ISOC1: variants seen among roughly 807,000 people sequenced by gnomAD.
ISOC1 encodes the protein isochorismatase domain-containing protein 1.
In ISOC1, 33 loss-of-function variants were observed where a neutral mutation model predicts 30.0. The ratio of observed to expected loss-of-function variants is 1.10; its 90% confidence interval spans 0.83 to 1.47. The LOEUF (loss-of-function observed/expected upper bound fraction) is 1.47. ISOC1 is among the 40% of genes most tolerant of loss of function. ISOC1 has a pLI of 0.00. For missense variants in ISOC1, 372 were observed against 388.0 expected, an observed-to-expected ratio of 0.96 and a Z score of 0.35; for synonymous variants, 178 against 159.8, an observed-to-expected ratio of 1.11 and a Z score of -0.86.
intron 1 of ISOC1, among the ~76,000 whole-genome samples, chr5:129,095,636 T>G (rs572594031): frequency 6.6e-6 from 1 of 152,350 alleles, no homozygotes; most frequent in South Asian, 2.1e-4. Flanking sequence ...AACCATTTGC[T>G]TAGCCTCCTC....
chr5:129,099,470 A>C (rs186880869), intron 1 of ISOC1, among the ~76,000 whole-genome samples: 3 of 152,384 alleles, frequency 2.0e-5, no homozygotes, highest in African/African-American at 7.2e-5. Context: ...TGTAAAAATA[A>C]GAGCCAATAA....
intron 2 of ISOC1, 22 bp downstream of exon 2, chr5:129,105,097 G>A (rs376360215): frequency 1.2e-6 from 2 of 1,613,536 alleles, no homozygotes; most frequent in Non-Finnish European, 1.7e-6. Flanking sequence ...TACTTATTTG[G>A]TCATATTTGC....
In ISOC1 at chr5:129,105,387, A is replaced by G. The variant is rs1753624199; in HGVS notation, c.632A>G (p.Glu211Gly). 1.2e-6 allele frequency: 2 copies of G among 1,610,884 alleles called. No individual in the cohort carries two copies. The highest frequency in any genetic ancestry group is 1.3e-5 in the African/African-American group (1 of 74,946). The change falls in exon 3 of 5, where the codon GAA (glutamate) becomes GGA (glycine). Residue 211 changes from glutamate (E) to glycine (G), a missense_variant and splice_region_variant. Glu to Gly is a moderately conservative substitution (Grantham distance 98). Coordinates refer to ENST00000173527, the MANE Select transcript of ISOC1 (RefSeq NM_016048.2). ...AGGAGTGTTGTATTATTTGGAGTAG[A>G]AGTAAGTACCTGTTACTATCATTTA... ...GVRSVVLFGV[E>G]THVCIQQTAL...
Position 129,105,198 on chromosome 5 carries a change from G to A in ISOC1, c.443G>A (p.Arg148Gln), listed in dbSNP as rs941381810. The change falls in exon 3 of 5, where the codon CGG becomes CAG. Residue 148 changes from arginine (R) to glutamine (Q), a missense_variant. Arg to Gln is a conservative substitution (Grantham distance 43, BLOSUM62 1). Coordinates refer to ENST00000173527, the MANE Select transcript of ISOC1 (RefSeq NM_016048.2). ...SVGQRLLQGA[R>Q]ILGIPVIVTE... ...ATTTTTTTTCAGTTGCAAGGGGCCCGGATTTTAGGAATTCCTGTTATTGTA... is the reference window on the plus strand; with the variant it reads ...ATTTTTTTTCAGTTGCAAGGGGCCCAGATTTTAGGAATTCCTGTTATTGTA... 8.1e-6 allele frequency: 13 copies of A among 1,613,270 alleles called. No individual in the cohort carries two copies. Among genetic ancestry groups the A allele is most frequent in the East Asian group, 2.2e-5 (1 of 44,836 alleles).
At position 129,095,005 on chromosome 5, in the gene ISOC1, A is replaced by G; in HGVS notation, c.239A>G (p.Tyr80Cys). Residue 80 changes from tyrosine (Y) to cysteine (C), a missense_variant, in exon 1 of 5, where the codon TAC (tyrosine) becomes TGC (cysteine). Tyr to Cys is a radical substitution (Grantham distance 194). Transcript: ENST00000173527. ...CTGTTCGCCGAGGAGTGGGGCCAGT[A>G]CGTGGACTTGCCCAAGGGCTTCGCG... ...VQLFAEEWGQYVDLPKGFAVS... is the reference protein window; with the variant it reads ...VQLFAEEWGQCVDLPKGFAVS... 1 of 1,608,170 alleles carries G rather than the reference A, an allele frequency of 6.2e-7. No homozygotes were observed. Among genetic ancestry groups the G allele is most frequent in the Non-Finnish European group, 8.5e-7 (1 of 1,178,962 alleles).
chr5:129,095,709 C>G (rs1580784748), intron 1 of ISOC1, among the ~76,000 whole-genome samples: 1 of 152,178 alleles, frequency 6.6e-6, no homozygotes, highest in Admixed American at 6.5e-5. Context: ...TCATTTGACT[C>G]CATGATTGTA....
At position 129,112,411 on chromosome 5, in the gene ISOC1, A is replaced by G. The variant is rs145970604; in HGVS notation, c.751-444A>G. 2.3e-4 allele frequency among the ~76,000 whole-genome samples: 35 copies of G among 152,322 alleles called. No individual in the cohort carries two copies. In the East Asian group the frequency reaches 5.8e-3, roughly 25 times the overall value. On this transcript the variant is annotated intron_variant, in intron 4 of 4. Transcript: ENST00000173527. The stretch of plus-strand genomic sequence containing the variant: ...AAGTTTAATAAATTTAGAAGTCACA[A>G]GCAGCCCTCATTTGAGTCAATGAAT...
intron 3 of ISOC1, among the ~76,000 whole-genome samples, chr5:129,106,248 C>T (rs1258945253): frequency 6.6e-6 from 1 of 152,090 alleles, no homozygotes; most frequent in Non-Finnish European, 1.5e-5. Flanking sequence ...TTTGATAATT[C>T]TCCAAAACGC....
chr5:129,112,420 C>A (rs1295751460), intron 4 of ISOC1, among the ~76,000 whole-genome samples: 1 of 152,152 alleles, frequency 6.6e-6, no homozygotes, highest in Non-Finnish European at 1.5e-5. Context: ...AAGCAGCCCT[C>A]ATTTGAGTCA....
At chr5:129,096,734 A>T (rs1198642956) in intron 1 of ISOC1, among the ~76,000 whole-genome samples, 2 of 152,208 alleles carry the variant, frequency 1.3e-5, no homozygotes, top group African/African-American at 4.8e-5. Flanking sequence ...CTAGAATCCA[A>T]ATACTAACTG....
intron 4 of ISOC1, among the ~76,000 whole-genome samples, chr5:129,108,720 C>T (rs916656436): frequency 5.3e-5 from 8 of 152,232 alleles, no homozygotes; most frequent in African/African-American, 1.9e-4. Context: ...CCATGTTGGC[C>T]AGGCTGGTCT....
At chr5:129,105,478 T>A in intron 3 of ISOC1, 90 bp downstream of exon 3, 1 of 1,071,478 alleles carries the variant, frequency 9.3e-7, no homozygotes. Flanking sequence ...GTATGCCAGG[T>A]AGGCAGTAAT....
chr5:129,098,978 C>T (rs935570052), intron 1 of ISOC1, among the ~76,000 whole-genome samples: 3 of 151,846 alleles, frequency 2.0e-5, no homozygotes, highest in East Asian at 1.9e-4. Flanking sequence ...GCCTCAGGAG[C>T]GTGGCAGGAA....
Position 129,095,093 on chromosome 5 carries a change from C to T in ISOC1, c.309+18C>T, listed in dbSNP as rs776541381. ...AGATCCAGGTGGGTCCTGCGGGAGG[C>T]CGCGCGCTTCCCTGTTCCCGAGTCG... On this transcript the variant is annotated intron_variant, in intron 1 of 4. Coordinates refer to ENST00000173527, the MANE Select transcript of ISOC1 (RefSeq NM_016048.2). 11 of 1,527,280 alleles carry T rather than the reference C, an allele frequency of 7.2e-6. No individual in the cohort carries two copies. The highest frequency in any genetic ancestry group is 1.9e-5 in the Admixed American group (1 of 53,978). The allele number at this position is 1,527,280 out of a possible 1,614,324, so 94.6% of individuals were successfully genotyped here.
intron 4 of ISOC1, 92 bp downstream of exon 4, chr5:129,107,154 T>A: frequency 1.9e-6 from 2 of 1,057,866 alleles, no homozygotes; most frequent in Non-Finnish European, 2.9e-6. Flanking sequence ...AAGGTTTACC[T>A]CCTAAATTTG....
chr5:129,103,980 A>G (rs1013151588), intron 1 of ISOC1, among the ~76,000 whole-genome samples: 14 of 152,144 alleles, frequency 9.2e-5, no homozygotes, highest in East Asian at 5.8e-4. Context: ...CTCATATTTA[A>G]TGGTGATTTT....
chr5:129,099,387 T>A (rs1434494635), intron 1 of ISOC1, among the ~76,000 whole-genome samples: 1 of 152,180 alleles, frequency 6.6e-6, no homozygotes, highest in Non-Finnish European at 1.5e-5. Context: ...TTTAGAAAAC[T>A]CATACCTTAA....
In ISOC1 at chr5:129,107,066, A is replaced by G. The variant is rs1275146626; in HGVS notation, c.750+4A>G. On this transcript the variant is annotated splice_donor_region_variant and intron_variant, in intron 4 of 4. Coordinates refer to ENST00000173527, the MANE Select transcript of ISOC1 (RefSeq NM_016048.2). ...GGACAGGATGTTTGCCCTCGAGGTA[A>G]TTGTCCTGCTTGGGAATAGATCATT... 1.2e-6 allele frequency: 2 copies of G among 1,604,660 alleles called. No homozygotes were observed. Among genetic ancestry groups the G allele is most frequent in the South Asian group, 1.1e-5 (1 of 90,874 alleles).
chr5:129,105,826 A>G (rs1476825477), intron 3 of ISOC1, among the ~76,000 whole-genome samples: 1 of 152,200 alleles, frequency 6.6e-6, no homozygotes, highest in East Asian at 1.9e-4. Context: ...TTGTCCTTCA[A>G]ATCATGTATG....
Sources: allele counts gnomAD v4.1 joint callset (sites outside exome capture counted in the v4.1 genomes callset), GRCh38; gene constraint gnomAD v4.1.1; transcripts MANE v1.5; gene names NCBI Gene and HGNC (gene_info 2026-07-23, HGNC 2026-07-21).